HDAC9: variants seen among roughly 807,000 people sequenced by gnomAD.
The protein encoded by HDAC9 is histone deacetylase 9.
Under a neutral mutation model 139.4 loss-of-function variants are expected in HDAC9, and 41 were observed. The observed-to-expected ratio is 0.29, with a 90% CI of 0.23 to 0.38. The LOEUF (loss-of-function observed/expected upper bound fraction) is 0.38. Among genes scored for constraint, HDAC9 ranks in the 10% least tolerant of loss-of-function variants. HDAC9 has a pLI of 1.00. For missense variants in HDAC9, 1,147 were observed against 1,297.0 expected, an observed-to-expected ratio of 0.88 and a Z score of 1.78; for synonymous variants, 517 against 476.2, an observed-to-expected ratio of 1.09 and a Z score of -1.12.
intron 23 of HDAC9, among the ~76,000 whole-genome samples, chr7:18,942,065 G>T (rs1014359886): frequency 3.3e-5 from 5 of 151,984 alleles, no homozygotes; most frequent in Non-Finnish European, 7.4e-5. Flanking sequence ...TCTTTGCCAT[G>T]GTGAAACAAA....
rs1219592545 is a variant in HDAC9, at chr7:18,978,740, G to A, written c.3170+2787G>A. Among the ~76,000 whole-genome samples, 6 of 152,274 alleles carry A rather than the reference G, an allele frequency of 3.9e-5. No individual in the cohort carries two copies. The South Asian group carries it at 1.2e-3, about 32-fold the overall frequency. The stretch of plus-strand genomic sequence containing the variant: ...GTGTACCTTTAAACAATTGTAGTTT[G>A]CATTTGTTGACTATCTGTTTCAAAA... On this transcript the variant is annotated intron_variant, in intron 25 of 25. Coordinates refer to ENST00000686413, the MANE Select transcript of HDAC9 (RefSeq NM_178425.4).
At chr7:18,579,486 A>G (rs1244087096) in intron 2 of HDAC9, among the ~76,000 whole-genome samples, 2 of 152,232 alleles carry the variant, frequency 1.3e-5, no homozygotes, top group Non-Finnish European at 1.5e-5. Context: ...GTTTCCATGC[A>G]TGAAGGGAGG....
At chr7:18,481,749 C>G (rs980143030) in intron 1 of HDAC9, among the ~76,000 whole-genome samples, 1 of 152,080 alleles carries the variant, frequency 6.6e-6, no homozygotes, top group African/African-American at 2.4e-5. Flanking sequence ...TGATATGAAT[C>G]TTCAGTTCAC....
intron 12 of HDAC9, among the ~76,000 whole-genome samples, chr7:18,716,458 G>C (rs79583044): frequency 1.0e-3 from 152 of 152,124 alleles, no homozygotes; most frequent in Non-Finnish European, 1.9e-3. Context: ...TTGTACTGCA[G>C]AAAAATATCT....
chr7:18,144,665 C>G (rs1247864400), intron 1 of HDAC9, among the ~76,000 whole-genome samples: 2 of 152,108 alleles, frequency 1.3e-5, no homozygotes, highest in Non-Finnish European at 2.9e-5. Context: ...CTGAAAGCCT[C>G]TCTGCTCTCC....
At chr7:18,583,529 C>A (rs73313268) in intron 2 of HDAC9, among the ~76,000 whole-genome samples, 2 of 151,226 alleles carry the variant, frequency 1.3e-5, no homozygotes, top group South Asian at 4.2e-4. Flanking sequence ...GACCAGCCTT[C>A]GCGACATAGC....
At chr7:18,429,782 A>G (rs1790470560) in intron 1 of HDAC9, among the ~76,000 whole-genome samples, 4 of 152,216 alleles carry the variant, frequency 2.6e-5, no homozygotes, top group Admixed American at 6.5e-5. Flanking sequence ...CTATTTAGAT[A>G]CACTTCCATT....
chr7:18,980,831 CTTTTTT>C (rs1022484550), intron 25 of HDAC9, among the ~76,000 whole-genome samples: 1 of 141,932 alleles, frequency 7.0e-6, no homozygotes, highest in African/African-American at 2.6e-5. Flanking sequence ...CCTTCTTCTT[CTTTTTT>C]TTTTGAGATG....
intron 24 of HDAC9, among the ~76,000 whole-genome samples, chr7:18,968,730 C>T (rs1416485323): frequency 3.9e-5 from 6 of 151,952 alleles, no homozygotes; most frequent in South Asian, 2.1e-4. Context: ...GAGGCCGAGG[C>T]GGGCGGATCA....
At chr7:18,700,944 C>T (rs1418469490) in intron 12 of HDAC9, among the ~76,000 whole-genome samples, 2 of 152,178 alleles carry the variant, frequency 1.3e-5, no homozygotes, top group Non-Finnish European at 2.9e-5. Flanking sequence ...GAGGGAGCTA[C>T]TTAAAAGCTT....
rs1554381813 is a variant in HDAC9, at chr7:18,859,856, A to ATATG, written c.2685-14620_2685-14617dup. On this transcript the variant is annotated intron_variant, in intron 21 of 25. Transcript: ENST00000686413. ...TATATATATATATATATATATATAT[A>ATATG]TATGTGAGAGAATGAGAGAGAGAGA... 1.2e-3 allele frequency among the ~76,000 whole-genome samples: 144 copies of ATATG among 117,252 alleles called. 1 individual carries two copies. Among genetic ancestry groups the ATATG allele is most frequent in the African/African-American group, 2.5e-3 (76 of 30,636 alleles). 76.9% of individuals were successfully genotyped at this position (117,252 alleles called of 152,430 possible).
chr7:18,685,718 G>T (rs1782222440), intron 12 of HDAC9, among the ~76,000 whole-genome samples: 1 of 151,940 alleles, frequency 6.6e-6, no homozygotes, highest in Non-Finnish European at 1.5e-5. Flanking sequence ...TCCTAAGGGG[G>T]GTGGGGTGAG....
At chr7:18,741,724 A>G (rs1787478716) in intron 13 of HDAC9, among the ~76,000 whole-genome samples, 1 of 152,214 alleles carries the variant, frequency 6.6e-6, no homozygotes, top group Non-Finnish European at 1.5e-5. Flanking sequence ...GGTCTGAGCA[A>G]TGTACATTGA....
At chr7:18,292,316 T>A (rs1361681461) in intron 1 of HDAC9, among the ~76,000 whole-genome samples, 1 of 152,158 alleles carries the variant, frequency 6.6e-6, no homozygotes, top group Non-Finnish European at 1.5e-5. Context: ...TTGTTCCAAG[T>A]CTGTCTGACT....
Position 18,357,723 on chromosome 7 carries a change from A to G in HDAC9, c.-42+67208A>G, listed in dbSNP as rs534328028. ...CACATAAAGGATTGGGCAAAGGGTT[A>G]TCCAGGCAGAGGAACAGAGTATGAG... On this transcript the variant is annotated intron_variant, in intron 1 of 3. Coordinates refer to the HDAC9 transcript ENST00000413509. Among the ~76,000 whole-genome samples, 5 of 152,286 alleles carry G rather than the reference A, an allele frequency of 3.3e-5. No individual in the cohort carries two copies. In the South Asian group the frequency reaches 1.0e-3, roughly 32 times the overall value.
intron 1 of HDAC9, among the ~76,000 whole-genome samples, chr7:18,132,013 G>A (rs1423505963): frequency 6.6e-6 from 1 of 152,100 alleles, no homozygotes. Flanking sequence ...CTTGTTCTGT[G>A]GGCCAGGTGG....
chr7:18,756,094 A>G (rs550186246), intron 14 of HDAC9, among the ~76,000 whole-genome samples: 2 of 152,110 alleles, frequency 1.3e-5, no homozygotes, highest in Non-Finnish European at 2.9e-5. Context: ...AATTGCACCC[A>G]GACAAAGGTA....
At chr7:18,156,859 T>C (rs80350704) in intron 1 of HDAC9, among the ~76,000 whole-genome samples, 5,845 of 152,228 alleles carry the variant, frequency 0.038, 286 homozygotes, top group East Asian at 0.23. Context: ...GTGTGGTGGC[T>C]CACACCTGTA....
rs571570760 is a variant in HDAC9, at chr7:18,999,213, A to T, written c.*3151A>T. The stretch of plus-strand genomic sequence containing the variant: ...CCTTCAGTTTTTACTCCAGCCCTAT[A>T]CGACACTCTCACTAACCTTTCACTG... On this transcript the variant is annotated 3_prime_UTR_variant, in exon 26 of 26. Coordinates refer to ENST00000686413, the MANE Select transcript of HDAC9 (RefSeq NM_178425.4). 2 of 152,306 alleles carry T rather than the reference A, an allele frequency of 1.3e-5. No homozygotes were observed. Among genetic ancestry groups the T allele is most frequent in the South Asian group, 4.1e-4 (2 of 4,826 alleles). The allele number at this position is 152,306 out of a possible 1,614,324, so 9.4% of individuals were successfully genotyped here.
Sources: allele counts gnomAD v4.1 joint callset (sites outside exome capture counted in the v4.1 genomes callset), GRCh38; gene constraint gnomAD v4.1.1; transcripts MANE v1.5; gene names NCBI Gene and HGNC (gene_info 2026-07-23, HGNC 2026-07-21).